Variants in MFHAS1 observed in about 807,000 individuals in gnomAD.
MFHAS1 encodes the protein malignant fibrous histiocytoma-amplified sequence 1.
Under a neutral mutation model 70.4 loss-of-function variants are expected in MFHAS1, and 50 were observed. The ratio of observed to expected loss-of-function variants is 0.71; its 90% CI spans 0.57 to 0.90. The LOEUF is 0.90. MFHAS1 is among the 40% of genes least tolerant of loss of function. The pLI is 0.00. For missense variants in MFHAS1, 1,795 were observed against 1,347.6 expected (o/e 1.33, Z -5.20); for synonymous variants, 952 against 620.0 (o/e 1.54, Z -7.96).
Position 8,797,345 on chromosome 8 carries a change from G to C in MFHAS1, c.3125+20C>G. On this transcript the variant is annotated intron_variant, in intron 2 of 2. Coordinates refer to ENST00000276282, the MANE Select transcript of MFHAS1 (RefSeq NM_004225.3). The stretch of plus-strand genomic sequence containing the variant: ...GATCAGGAGCCAGGTCCCGGGGCCA[G>C]AGGGACTTTGAGAACTCACTTGGAA... 2 of 1,612,422 alleles carry C rather than the reference G, an allele frequency of 1.2e-6. No homozygotes were observed. Among genetic ancestry groups the C allele is most frequent in the Non-Finnish European group, 1.7e-6 (2 of 1,178,654 alleles).
chr8:8,823,990 G>C (rs1807062125), intron 1 of MFHAS1, among the ~76,000 whole-genome samples: 1 of 146,162 alleles, frequency 6.8e-6, no homozygotes, highest in African/African-American at 2.5e-5. Flanking sequence ...ATAAAAATAG[G>C]AGAGATTTAA....
intron 1 of MFHAS1, among the ~76,000 whole-genome samples, chr8:8,806,473 G>T (rs1331551723): frequency 2.0e-5 from 3 of 152,180 alleles, no homozygotes; most frequent in African/African-American, 7.2e-5. Context: ...ACTAAGAAGG[G>T]CTTTATTTTT....
At chr8:8,838,333 G>C (rs146274934) in intron 1 of MFHAS1, among the ~76,000 whole-genome samples, 22 of 152,292 alleles carry the variant, frequency 1.4e-4, no homozygotes, top group African/African-American at 5.3e-4. Flanking sequence ...TGTGGTGGTA[G>C]ATACCTAAAT....
chr8:8,861,134 G>C (rs114113269), intron 1 of MFHAS1, among the ~76,000 whole-genome samples: 36 of 152,260 alleles, frequency 2.4e-4, no homozygotes, highest in African/African-American at 8.2e-4. Flanking sequence ...TGCCTGAAAA[G>C]TGGTAGACAT....
chr8:8,784,057 G>T lies in MFHAS1; in HGVS notation c.*1965C>A, dbSNP rs1221023248. ...AATGTGGGCGTTTATGTTCGTAACA[G>T]CAAATACTTTGTAGGGTGTGTCACC... On this transcript the variant is annotated 3_prime_UTR_variant, in exon 3 of 3. Coordinates refer to ENST00000276282, the MANE Select transcript of MFHAS1 (RefSeq NM_004225.3). The T allele has an allele frequency of 6.6e-6, 1 of 152,156 alleles. No homozygotes were observed. The highest frequency in any genetic ancestry group is 1.5e-5 in the Non-Finnish European group (1 of 68,030). 9.4% of individuals were successfully genotyped at this position (152,156 alleles called of 1,614,324 possible). A position where few individuals can be genotyped will look rare whatever the true frequency, so the allele number is the denominator to read the frequency against.
intron 2 of MFHAS1, among the ~76,000 whole-genome samples, chr8:8,796,361 G>GT (rs997238614): frequency 1.4e-4 from 21 of 152,212 alleles, no homozygotes; most frequent in African/African-American, 4.6e-4. Context: ...GGTTTTTGAT[G>GT]TGAGAGCCAA....
chr8:8,794,964 G>A (rs535767210), intron 2 of MFHAS1, among the ~76,000 whole-genome samples: 1 of 152,284 alleles, frequency 6.6e-6, no homozygotes, highest in Admixed American at 6.5e-5. Flanking sequence ...AGAAGCCCAT[G>A]GGAAAACACT....
chr8:8,883,658 A>G (rs1235535498), intron 1 of MFHAS1, among the ~76,000 whole-genome samples: 1 of 144,752 alleles, frequency 6.9e-6, no homozygotes, highest in African/African-American at 2.6e-5. Context: ...CAATGAGCTC[A>G]GACAGCGCCA....
chr8:8,827,321 G>C (rs1269490563), intron 1 of MFHAS1, among the ~76,000 whole-genome samples: 3 of 152,190 alleles, frequency 2.0e-5, no homozygotes, highest in East Asian at 3.8e-4. Flanking sequence ...CTGAGTCTAA[G>C]AATACGAACC....
intron 1 of MFHAS1, among the ~76,000 whole-genome samples, chr8:8,850,388 T>TA (rs1263436433): frequency 6.6e-5 from 10 of 152,216 alleles, no homozygotes; most frequent in African/African-American, 2.2e-4. Context: ...ATTAGAGAGA[T>TA]AGACTGTGGT....
chr8:8,813,391 T>C (rs571437539), intron 1 of MFHAS1, among the ~76,000 whole-genome samples: 2 of 152,262 alleles, frequency 1.3e-5, no homozygotes, highest in East Asian at 3.9e-4. Flanking sequence ...GGCAGGCCCT[T>C]CGGGAGGTGT....
chr8:8,860,555 C>G (rs1808623397), intron 1 of MFHAS1, among the ~76,000 whole-genome samples: 1 of 152,170 alleles, frequency 6.6e-6, no homozygotes, highest in Non-Finnish European at 1.5e-5. Flanking sequence ...CAGGAATTCC[C>G]CGGGGCTCTT....
chr8:8,892,730 C>A lies in MFHAS1; in HGVS notation c.329G>T (p.Gly110Val). ...CACGTCCAGCTCGGTGAGGTGGTGG[C>A]CGAGCTCGGCCACCGCCGGGGGCAG... ...ARLPPAVAEL[G>V]HHLTELDVSH... The change falls in exon 1 of 3, where the codon GGC becomes GTC. Residue 110 changes from glycine to valine, a missense_variant. Physicochemically the swap from Gly to Val is moderately radical, Grantham distance 109. Transcript: ENST00000276282. This position sits in a 1 kb window ranked among gnomAD's most constrained non-coding sequence, Gnocchi z 4.7. The A allele has an allele frequency of 1.3e-6, 2 of 1,555,380 alleles. No homozygotes were observed. The highest frequency in any genetic ancestry group is 2.4e-5 in the East Asian group (1 of 42,164).
In MFHAS1 at chr8:8,785,922, G is replaced by A. The variant is rs1805525501; in HGVS notation, c.*100C>T. On this transcript the variant is annotated 3_prime_UTR_variant, in exon 3 of 3. Transcript: ENST00000276282. The stretch of plus-strand genomic sequence containing the variant: ...GCACGCGTTGTCACTCAAGTTCACA[G>A]AACACGCTGGGGTGAGTGCAGAGGG... 1.9e-6 allele frequency: 2 copies of A among 1,079,106 alleles called. No individual in the cohort carries two copies. Among genetic ancestry groups the A allele is most frequent in the Non-Finnish European group, 2.6e-6 (2 of 755,596 alleles). 66.8% of individuals were successfully genotyped at this position (1,079,106 alleles called of 1,614,324 possible). A position where few individuals can be genotyped will look rare whatever the true frequency, so the allele number is the denominator to read the frequency against.
At chr8:8,885,662 C>T (rs536695014) in intron 1 of MFHAS1, among the ~76,000 whole-genome samples, 1 of 152,326 alleles carries the variant, frequency 6.6e-6, no homozygotes, top group African/African-American at 2.4e-5. Flanking sequence ...TGGCTACCAG[C>T]TATGGGCAGC....
intron 1 of MFHAS1, among the ~76,000 whole-genome samples, chr8:8,871,962 C>T (rs1020587843): frequency 6.6e-6 from 1 of 152,226 alleles, no homozygotes; most frequent in Non-Finnish European, 1.5e-5. Flanking sequence ...GAAACCGTAT[C>T]AACTCCCTGA....
rs140407540 is a variant in MFHAS1 at position 8,832,010 on chromosome 8, G to C, written c.2999-34519C>G. Reference sequence around the variant, plus strand: ...AACAACTGGATATCTGTATGGAAAAGAAAATAAACCTCAATCCTTACTTCA... The same window carrying C: ...AACAACTGGATATCTGTATGGAAAACAAAATAAACCTCAATCCTTACTTCA... On this transcript the variant is annotated intron_variant, in intron 1 of 2. Transcript: ENST00000276282. Among the ~76,000 whole-genome samples the C allele has an allele frequency of 1.0e-3, 151 of 149,362 alleles. 1 individual carries two copies. Among genetic ancestry groups the C allele is most frequent in the African/African-American group, 3.3e-3 (137 of 41,016 alleles).
intron 1 of MFHAS1, among the ~76,000 whole-genome samples, chr8:8,846,531 A>T (rs994399965): frequency 2.6e-5 from 4 of 152,028 alleles, no homozygotes; most frequent in African/African-American, 4.8e-5. Context: ...TTTTAAAACT[A>T]GTTCATTTAA....
Position 8,891,785 on chromosome 8 carries a change from A to G in MFHAS1, c.1274T>C (p.Leu425Pro), listed in dbSNP as rs1477721411. 2 of 1,613,350 alleles carry G rather than the reference A, an allele frequency of 1.2e-6. No individual in the cohort carries two copies. Among genetic ancestry groups the G allele is most frequent in the Non-Finnish European group, 1.7e-6 (2 of 1,180,016 alleles). The change falls in exon 1 of 3, where the codon CTG (leucine) becomes CCG (proline). Residue 425 changes from leucine (L) to proline (P), a missense_variant. Physicochemically the swap from Leu to Pro is moderately conservative, Grantham distance 98. Transcript: ENST00000276282. The surrounding 1 kb of genome is among the most constrained non-coding windows in gnomAD (Gnocchi z 5.4). ...TCTCTCCTCGGTGAGGCAGTGGCGC[A>G]GCAAAGTCTTTCCTGCAGCCTTATG... ...MGHKAAGKTL[L>P]RHCLTEERVE... is the part of the protein sequence containing the mutation.
Sources: gnomAD v4.1 joint callset for allele counts (sites outside exome capture counted in the v4.1 genomes callset) on GRCh38, gnomAD v4.1.1 for gene constraint, Gnocchi (gnomAD v3.1) non-coding constraint, MANE v1.5 for transcripts, NCBI Gene and HGNC (gene_info 2026-07-23, HGNC 2026-07-21) for gene names.